Variants in RPGR observed in about 807,000 individuals in gnomAD.
RPGR encodes the protein X-linked retinitis pigmentosa GTPase regulator.
Under a neutral mutation model 56.3 loss-of-function variants are expected in RPGR, and 10 were observed. The ratio of observed to expected loss-of-function variants is 0.18; its 90% CI spans 0.11 to 0.30. The LOEUF is 0.30. RPGR is among the 10% of genes least tolerant of loss of function. The probability of loss-of-function intolerance (pLI) is 1.00; values close to 1 mark genes in which losing one functional copy is unlikely to be tolerated. For synonymous variants in RPGR, 197 were observed against 212.9 expected (o/e 0.93, Z 0.65); for missense variants, 538 against 590.9 (o/e 0.91, Z 0.93).
intron 5 of RPGR, 60 bp downstream of exon 5, chrX:38,318,769 G>A (rs1333225160): frequency 8.8e-7 from 1 of 1,139,181 alleles, no homozygotes; most frequent in African/African-American, 1.8e-5. Flanking sequence ...TTACTGAGTT[G>A]GCATATATTG....
chrX:38,315,482 G>A (rs754962448), intron 6 of RPGR, among the ~76,000 whole-genome samples: 61 of 111,955 alleles, frequency 5.4e-4, no homozygotes, highest in African/African-American at 1.9e-3. Flanking sequence ...CATACACTGC[G>A]TGTTCTCACT....
chrX:38,318,806 A>G lies in RPGR; in HGVS notation c.469+23T>C, dbSNP rs376928552. On this transcript the variant is annotated intron_variant, in intron 5 of 18. Transcript: ENST00000642395. ...TCTACAGGAAAGGAATGTGTCCCAG[A>G]CTGAAAAAGAAACAAGTCTCACCAG... 1.8e-4 allele frequency: 219 copies of G among 1,208,026 alleles called. No individual in the cohort carries two copies. In the East Asian group the frequency reaches 3.1e-3, roughly 17 times the overall value.
intron 15 of RPGR, among the ~76,000 whole-genome samples, chrX:38,279,514 G>A (rs1356122814): frequency 9.6e-6 from 1 of 103,830 alleles, no homozygotes; most frequent in Non-Finnish European, 2.0e-5. Context: ...CAATTACATC[G>A]CATGCTTTAA....
chrX:38,286,793 C>T (rs1362246083), intron 15 of RPGR: 1 of 1,155,321 alleles, frequency 8.7e-7, no homozygotes, highest in African/African-American at 1.9e-5. Flanking sequence ...TCTCCTTCTC[C>T]ATGCTCCTCC....
chrX:38,310,846 A>G, intron 6 of RPGR, 73 bp from the exon 7 acceptor site: 2 of 960,063 alleles, frequency 2.1e-6, no homozygotes, highest in Non-Finnish European at 3.0e-6. Context: ...CGTCAAAAAA[A>G]AGTTTTGACA....
At chrX:38,302,972 G>A (rs766522850) in intron 8 of RPGR, among the ~76,000 whole-genome samples, 2 of 109,624 alleles carry the variant, frequency 1.8e-5, no homozygotes, top group South Asian at 8.0e-4. Context: ...TGCCATGCTG[G>A]CTAATTTTTG....
chrX:38,282,475 G>A (rs1019573972), intron 15 of RPGR, among the ~76,000 whole-genome samples: 4 of 111,544 alleles, frequency 3.6e-5, no homozygotes, highest in African/African-American at 1.3e-4. Context: ...ACATCTATGA[G>A]CTGGCGATAC....
chrX:38,327,252 C>T (rs183560823), intron 1 of RPGR, 88 bp downstream of exon 1: 59 of 962,085 alleles, frequency 6.1e-5, no homozygotes, highest in Non-Finnish European at 7.6e-5. Context: ...TGGGGCCTGT[C>T]CCCCTACAGG....
At chrX:38,276,472 G>T (rs1267882877) in intron 16 of RPGR, 19 of 704,200 alleles carry the variant, frequency 2.7e-5, no homozygotes, top group Non-Finnish European at 4.2e-5. Context: ...ATGTATTCAT[G>T]TATTCATGGG....
Position 38,269,518 on chromosome X carries a change from T to C in RPGR, c.*108A>G, listed in dbSNP as rs1365814384. 3 of 542,398 alleles carry C rather than the reference T, an allele frequency of 5.5e-6. No individual in the cohort carries two copies. In the East Asian group the frequency reaches 1.1e-4, roughly 20 times the overall value. The allele number at this position is 542,398 out of a possible 1,213,427, so 44.7% of individuals were successfully genotyped here. On this transcript the variant is annotated 3_prime_UTR_variant, in exon 19 of 19. Coordinates refer to ENST00000642395, the MANE Select transcript of RPGR (RefSeq NM_000328.3). ...TAGAAGCTGAATAAAACATATTAAG[T>C]CTTATATCTTTTAAAGACTACTATC...
intron 6 of RPGR, among the ~76,000 whole-genome samples, chrX:38,314,665 T>C (rs1167745446): frequency 2.7e-5 from 3 of 112,225 alleles, no homozygotes; most frequent in Non-Finnish European, 3.8e-5. Context: ...TATTTATCTA[T>C]AAGATCTAAA....
At chrX:38,284,192 T>C (rs1217341270) in intron 15 of RPGR, among the ~76,000 whole-genome samples, 5 of 111,422 alleles carry the variant, frequency 4.5e-5, no homozygotes, top group Admixed American at 1.9e-4. Flanking sequence ...TAAAACTAAG[T>C]ATAAGAAATC....
At chrX:38,304,185 C>T (rs2067553549) in intron 8 of RPGR, among the ~76,000 whole-genome samples, 1 of 111,658 alleles carries the variant, frequency 9.0e-6, no homozygotes, top group Admixed American at 9.6e-5. Context: ...GGAAAGGAGT[C>T]ATTCCTGAAA....
chrX:38,276,437 C>T (rs1356257953), intron 16 of RPGR: 24 of 565,573 alleles, frequency 4.2e-5, no homozygotes, highest in Non-Finnish European at 3.1e-5. Context: ...TAAGCCAAAG[C>T]CTTTCTCTTA....
chrX:38,326,588 T>G (rs1002293763), intron 1 of RPGR: 1 of 111,225 alleles, frequency 9.0e-6, no homozygotes, highest in Admixed American at 9.5e-5. Context: ...AAAAAAAGGC[T>G]AAAAAACACT....
At chrX:38,324,456 G>A (rs1434556121) in intron 1 of RPGR, among the ~76,000 whole-genome samples, 2 of 110,169 alleles carry the variant, frequency 1.8e-5, no homozygotes, top group African/African-American at 3.3e-5. Context: ...CCATAAAACC[G>A]GAGACAGCAC....
At chrX:38,296,139 G>T (rs1428240738) in intron 11 of RPGR, 2 of 109,814 alleles carry the variant, frequency 1.8e-5, no homozygotes, top group African/African-American at 3.3e-5. Flanking sequence ...CGGTGAAACC[G>T]CATGTCTACA....
chrX:38,325,348 G>A (rs1409926810), intron 1 of RPGR, among the ~76,000 whole-genome samples: 3 of 110,942 alleles, frequency 2.7e-5, no homozygotes, highest in African/African-American at 9.9e-5. Flanking sequence ...CACAGAAAAG[G>A]TCCCCCTTAC....
chrX:38,291,521 C>T, intron 11 of RPGR, 37 bp from the exon 12 acceptor site: 1 of 845,860 alleles, frequency 1.2e-6, no homozygotes, highest in Non-Finnish European at 1.8e-6. Flanking sequence ...ATCCAGATTT[C>T]AACAGAAAAG....
Sources: gnomAD v4.1 joint callset for allele counts (sites outside exome capture counted in the v4.1 genomes callset) on GRCh38, gnomAD v4.1.1 for gene constraint, MANE v1.5 for transcripts, NCBI Gene and HGNC (gene_info 2026-07-23, HGNC 2026-07-21) for gene names.